PATJ: variants seen among roughly 807,000 people sequenced by gnomAD.
PATJ encodes the protein inaD-like protein.
In PATJ, 190 loss-of-function variants were observed where a neutral mutation model predicts 224.9. That is an observed-to-expected ratio of 0.84 (90% CI 0.75 to 0.95). The LOEUF (loss-of-function observed/expected upper bound fraction) is 0.95, where lower values mean the gene tolerates loss of function less well. PATJ is among the 40% of genes least tolerant of loss of function. The probability of loss-of-function intolerance (pLI) is 0.00; values close to 1 mark genes in which losing one functional copy is unlikely to be tolerated. For missense variants in PATJ, 2,121 were observed against 2,270.3 expected (o/e 0.93, Z 1.34); for synonymous variants, 769 against 820.3 (o/e 0.94, Z 1.07).
intron 28 of PATJ, among the ~76,000 whole-genome samples, chr1:61,994,288 A>G (rs1645231275): frequency 1.3e-5 from 2 of 152,220 alleles, no homozygotes; most frequent in African/African-American, 4.8e-5. Flanking sequence ...CTTCCAGTCT[A>G]GTGATTGTAC....
At chr1:62,070,996 A>G (rs1448601464) in intron 31 of PATJ, among the ~76,000 whole-genome samples, 1 of 152,094 alleles carries the variant, frequency 6.6e-6, no homozygotes, top group Non-Finnish European at 1.5e-5. Flanking sequence ...ATCGAATGGG[A>G]GCCTGGTGAA....
chr1:61,989,977 TA>T (rs1644970106), intron 27 of PATJ, among the ~76,000 whole-genome samples, 190 bp from the exon 28 acceptor site: 1 of 152,046 alleles, frequency 6.6e-6, no homozygotes, highest in Non-Finnish European at 1.5e-5. Context: ...TTGGAGGCTG[TA>T]GTGTGCTATA....
At chr1:61,806,708 T>C (rs568319358) in intron 13 of PATJ, among the ~76,000 whole-genome samples, 3 of 152,302 alleles carry the variant, frequency 2.0e-5, no homozygotes, top group Admixed American at 6.5e-5. Flanking sequence ...AGCTGCTGTT[T>C]CTTTGCTTCA....
chr1:61,845,265 GT>G (rs1661750062), intron 17 of PATJ, among the ~76,000 whole-genome samples: 1 of 152,144 alleles, frequency 6.6e-6, no homozygotes, highest in Non-Finnish European at 1.5e-5. Context: ...TGATGCTGAG[GT>G]TAAGGAGTTC....
At chr1:61,861,251 G>A (rs1282565338) in intron 18 of PATJ, among the ~76,000 whole-genome samples, 1 of 129,546 alleles carries the variant, frequency 7.7e-6, no homozygotes, top group African/African-American at 2.8e-5. Flanking sequence ...ATGAGAATCT[G>A]AAGAGTTTGA....
chr1:61,942,880 T>C (rs954197350), intron 27 of PATJ, among the ~76,000 whole-genome samples: 4 of 152,174 alleles, frequency 2.6e-5, no homozygotes, highest in African/African-American at 9.7e-5. Context: ...CATATAGGTT[T>C]ACTATACAAC....
At position 61,984,148 on chromosome 1, in the gene PATJ, A is replaced by AGTT. The variant is rs1352632751; in HGVS notation, c.3671-6020_3671-6019insGTT. On this transcript the variant is annotated intron_variant, in intron 27 of 43. Transcript: ENST00000642238. ...AATTGTATAACTATGAAATACGCTC[A>AGTT]ATTATTATTATTATTATTTTTTTTT... Among the ~76,000 whole-genome samples, 1,131 of 141,220 alleles carry AGTT rather than the reference A, an allele frequency of 8.0e-3. 21 individuals are homozygous for AGTT. Among genetic ancestry groups the AGTT allele is most frequent in the South Asian group, 0.028 (121 of 4,384 alleles). The allele number at this position is 141,220 out of a possible 152,430, so 92.6% of individuals were successfully genotyped here. A position where few individuals can be genotyped will look rare whatever the true frequency, so the allele number is the denominator to read the frequency against.
intron 31 of PATJ, among the ~76,000 whole-genome samples, chr1:62,071,830 C>T (rs2148689831): frequency 6.6e-6 from 1 of 152,222 alleles, no homozygotes; most frequent in African/African-American, 2.4e-5. Context: ...ATCACAGACT[C>T]CTAACATTCC....
intron 28 of PATJ, among the ~76,000 whole-genome samples, chr1:62,010,059 G>GA (rs1646341951): frequency 7.6e-6 from 1 of 130,820 alleles, no homozygotes; most frequent in Non-Finnish European, 1.6e-5. Flanking sequence ...CTCCAGCCTG[G>GA]GGGAGTGAGA....
At position 62,027,628 on chromosome 1, in the gene PATJ, CTTT is replaced by C. The variant is rs57019359; in HGVS notation, c.3959+9702_3959+9704del. On this transcript the variant is annotated intron_variant, in intron 29 of 43. Coordinates refer to ENST00000642238, the MANE Select transcript of PATJ (RefSeq NM_001350145.3). ...TTTCTTCATAACCTTGCCAACATTC[CTTT>C]TTTTTTTTTTTTTTTTTTTTGGATA... Among the ~76,000 whole-genome samples, 489 of 109,804 alleles carry C rather than the reference CTTT, an allele frequency of 4.5e-3. 1 individual carries two copies. Among genetic ancestry groups the C allele is most frequent in the African/African-American group, 0.018 (453 of 25,430 alleles). The allele number at this position is 109,804 out of a possible 152,430, so 72.0% of individuals were successfully genotyped here. A position where few individuals can be genotyped will look rare whatever the true frequency, so the allele number is the denominator to read the frequency against.
Position 61,801,606 on chromosome 1 carries a change from ATT to A in PATJ, c.1403-9_1403-8del. The A allele has an allele frequency of 2.8e-6, 4 of 1,422,978 alleles. No individual in the cohort carries two copies. The highest frequency in any genetic ancestry group is 3.7e-6 in the Non-Finnish European group (4 of 1,071,650). 88.1% of individuals were successfully genotyped at this position (1,422,978 alleles called of 1,614,324 possible). ...AGCATTAACAAAATTTTAAAAAATT[ATT>A]TTTTTTTGTTTTAGGAACTGTTGTA... On this transcript the variant is annotated splice_polypyrimidine_tract_variant and intron_variant, in intron 11 of 43. Transcript: ENST00000642238.
chr1:62,137,727 T>A lies in PATJ; in HGVS notation c.5271+8782T>A, dbSNP rs112250183. Among the ~76,000 whole-genome samples the A allele has an allele frequency of 1.4e-3, 209 of 151,746 alleles. 2 individuals carry two copies. The highest frequency in any genetic ancestry group is 4.9e-3 in the African/African-American group (203 of 41,382). ...ACAGATTGAGAGGGAAGCAGGCTTGTCTGTTCTTCCACAGATGCAAACGTC... is the reference window on the plus strand; with the variant it reads ...ACAGATTGAGAGGGAAGCAGGCTTGACTGTTCTTCCACAGATGCAAACGTC... On this transcript the variant is annotated intron_variant, in intron 41 of 43. Coordinates refer to ENST00000642238, the MANE Select transcript of PATJ (RefSeq NM_001350145.3).
intron 41 of PATJ, among the ~76,000 whole-genome samples, chr1:62,143,930 G>A (rs560391543): frequency 1.7e-4 from 26 of 152,276 alleles, no homozygotes; most frequent in African/African-American, 6.0e-4. Context: ...TGTGGGTCAT[G>A]GAAGTTTGGG....
chr1:61,804,170 A>C (rs1653081075), intron 12 of PATJ, among the ~76,000 whole-genome samples: 1 of 152,324 alleles, frequency 6.6e-6, no homozygotes, highest in East Asian at 1.9e-4. Flanking sequence ...TTATGAGGCA[A>C]GATGTTAGAA....
intron 28 of PATJ, chr1:61,991,569 A>G (rs1645067493): frequency 1.0e-6 from 1 of 985,422 alleles, no homozygotes; most frequent in Non-Finnish European, 1.2e-6. Flanking sequence ...TGCAACAGGA[A>G]GACCATCGCC....
intron 1 of PATJ, among the ~76,000 whole-genome samples, chr1:61,744,348 A>ATTC (rs1644917750): frequency 6.6e-6 from 1 of 150,482 alleles, no homozygotes; most frequent in South Asian, 2.1e-4. Flanking sequence ...GAATTACTGC[A>ATTC]TTCCTAAAGA....
intron 18 of PATJ, among the ~76,000 whole-genome samples, chr1:61,858,462 A>G (rs1004546293): frequency 1.3e-5 from 2 of 152,132 alleles, no homozygotes; most frequent in African/African-American, 4.8e-5. Context: ...GGGTTTCACC[A>G]TGTTGGCCAG....
chr1:61,838,650 G>C (rs572472156), intron 17 of PATJ, among the ~76,000 whole-genome samples: 5 of 151,746 alleles, frequency 3.3e-5, no homozygotes, highest in Admixed American at 2.0e-4. Flanking sequence ...GATTACAGGC[G>C]TGAGCCACTG....
Position 61,801,698 on chromosome 1 carries a change from G to A in PATJ, c.1478G>A (p.Gly493Asp), listed in dbSNP as rs1030363065. 7.5e-6 allele frequency: 12 copies of A among 1,599,454 alleles called. No individual in the cohort carries two copies. The African/African-American group carries it at 9.4e-5, about 12-fold the overall frequency. ...GAVETETNVD[G>D]EDEEIKERID... ...GTGGAAACTGAAACTAATGTGGATG[G>A]TGAAGATGAGGAAATTAAAGAAAGA... Residue 493 changes from glycine to aspartate, a missense_variant, in exon 12 of 44, where the codon GGT (glycine) becomes GAT (aspartate). Transcript: ENST00000642238.
Sources: gnomAD v4.1 joint callset for allele counts (sites outside exome capture counted in the v4.1 genomes callset) on GRCh38, gnomAD v4.1.1 for gene constraint, MANE v1.5 for transcripts, NCBI Gene and HGNC (gene_info 2026-07-23, HGNC 2026-07-21) for gene names.